The following FIGN variants were observed in gnomAD, a reference collection of about 807,000 sequenced individuals.
FIGN encodes the protein fidgetin, microtubule severing factor, also known as fidgetin.
In FIGN, 11 loss-of-function variants were observed where a neutral mutation model predicts 51.3. That is an observed-to-expected ratio of 0.21 (90% CI 0.13 to 0.35). FIGN has a LOEUF of 0.35. FIGN is among the 10% of genes least tolerant of loss of function. The pLI is 1.00. For missense variants in FIGN, 857 were observed against 943.6 expected, an observed-to-expected ratio of 0.91 and a Z score of 1.20; for synonymous variants, 407 against 363.2, an observed-to-expected ratio of 1.12 and a Z score of -1.37.
intron 2 of FIGN, chr2:163,617,100 A>G (rs1682891145): frequency 2.0e-6 from 2 of 985,090 alleles, no homozygotes; most frequent in African/African-American, 1.7e-5. Context: ...ATTATCTAGT[A>G]TTACTAGTAC....
At chr2:163,733,065 T>G (rs994176806) in intron 2 of FIGN, among the ~76,000 whole-genome samples, 50 of 152,354 alleles carry the variant, frequency 3.3e-4, no homozygotes, top group African/African-American at 1.2e-3. Flanking sequence ...GTAACGCCAC[T>G]TTATACATAT....
At chr2:163,734,497 ATTAG>A (rs970126736) in intron 2 of FIGN, among the ~76,000 whole-genome samples, 1 of 143,954 alleles carries the variant, frequency 6.9e-6, no homozygotes, top group Non-Finnish European at 1.5e-5. Context: ...ATACACTTTC[ATTAG>A]TTAGTAATCT....
intron 2 of FIGN, among the ~76,000 whole-genome samples, chr2:163,647,388 C>A (rs1683398730): frequency 6.6e-6 from 1 of 152,074 alleles, no homozygotes; most frequent in Non-Finnish European, 1.5e-5. Flanking sequence ...CTAATGGCAT[C>A]AAAGCACCAA....
At chr2:163,624,503 G>A (rs1294722892) in intron 2 of FIGN, among the ~76,000 whole-genome samples, 2 of 151,196 alleles carry the variant, frequency 1.3e-5, no homozygotes, top group East Asian at 3.9e-4. Flanking sequence ...CTGTTTTTAA[G>A]CAAACATGAT....
At chr2:163,662,420 C>T (rs1306818363) in intron 2 of FIGN, among the ~76,000 whole-genome samples, 2 of 152,176 alleles carry the variant, frequency 1.3e-5, no homozygotes, top group African/African-American at 4.8e-5. Context: ...TGCAGCCTGG[C>T]GATGCAGCAG....
Position 163,685,405 on chromosome 2 carries a change from G to A in FIGN, c.25+49498C>T, listed in dbSNP as rs1477555903. On this transcript the variant is annotated intron_variant, in intron 2 of 2. Coordinates refer to ENST00000333129, the MANE Select transcript of FIGN (RefSeq NM_018086.4). ...TACTTTAATAATCTCTCAGACAGAA[G>A]TTTTTCAGATCAATCACTTTTTCTG... Among the ~76,000 whole-genome samples the A allele has an allele frequency of 2.6e-5, 4 of 152,126 alleles. No individual in the cohort carries two copies. In the East Asian group the frequency reaches 7.7e-4, roughly 29 times the overall value.
At chr2:163,694,092 T>G (rs952685292) in intron 2 of FIGN, among the ~76,000 whole-genome samples, 27 of 152,192 alleles carry the variant, frequency 1.8e-4, no homozygotes, top group African/African-American at 6.5e-4. Context: ...GTTTTATTTC[T>G]ATCAATATTC....
chr2:163,673,487 A>T (rs956221426), intron 2 of FIGN, among the ~76,000 whole-genome samples: 1 of 152,034 alleles, frequency 6.6e-6, no homozygotes, highest in Non-Finnish European at 1.5e-5. Flanking sequence ...ACTTTCCAAG[A>T]TTACTATGCA....
chr2:163,658,364 GCTCTCTCTCTCTCTCTCTCT>G (rs55894952), intron 2 of FIGN, among the ~76,000 whole-genome samples: 4,059 of 137,686 alleles, frequency 0.029, 210 homozygotes, highest in African/African-American at 0.11. Context: ...TTAAGAAACA[GCTCTCTCTCTCTCTCTCTCT>G]CTCTCTCTCT....
chr2:163,636,852 T>G (rs2105314082), intron 2 of FIGN, among the ~76,000 whole-genome samples: 1 of 151,910 alleles, frequency 6.6e-6, no homozygotes, highest in Middle Eastern at 3.4e-3. Context: ...CACTCTTAAT[T>G]ATAAAGGAAA....
intron 2 of FIGN, among the ~76,000 whole-genome samples, chr2:163,614,574 G>A (rs1414935735): frequency 6.6e-6 from 1 of 151,914 alleles, no homozygotes; most frequent in African/African-American, 2.4e-5. Flanking sequence ...TATGCTGTGA[G>A]TATAAATGTG....
intron 2 of FIGN, among the ~76,000 whole-genome samples, chr2:163,647,596 C>T (rs1683401852): frequency 6.6e-6 from 1 of 152,150 alleles, no homozygotes; most frequent in Admixed American, 6.6e-5. Context: ...AGTGAACAAG[C>T]CAGACTAGAA....
At chr2:163,663,878 A>C (rs1683731403) in intron 2 of FIGN, among the ~76,000 whole-genome samples, 1 of 151,170 alleles carries the variant, frequency 6.6e-6, no homozygotes, top group African/African-American at 2.4e-5. Context: ...ACGAAACTCC[A>C]TCTCCAAAAG....
intron 2 of FIGN, among the ~76,000 whole-genome samples, chr2:163,694,801 T>C (rs1261817877): frequency 6.6e-6 from 1 of 152,196 alleles, no homozygotes; most frequent in African/African-American, 2.4e-5. Context: ...TCCATCATCT[T>C]ACAGTCCTTC....
chr2:163,701,806 C>T (rs1169067027), intron 2 of FIGN, among the ~76,000 whole-genome samples: 1 of 152,136 alleles, frequency 6.6e-6, no homozygotes, highest in Non-Finnish European at 1.5e-5. Context: ...GGTTTCTCTT[C>T]CCTTCATGAC....
At chr2:163,678,129 C>T (rs747202160) in intron 2 of FIGN, among the ~76,000 whole-genome samples, 10 of 152,180 alleles carry the variant, frequency 6.6e-5, no homozygotes, top group African/African-American at 2.4e-4. Context: ...ATATTTTATT[C>T]GAATTTCCTT....
intron 2 of FIGN, among the ~76,000 whole-genome samples, chr2:163,663,764 C>A (rs1393298551): frequency 2.6e-5 from 4 of 151,656 alleles, no homozygotes; most frequent in African/African-American, 9.7e-5. Context: ...TGCCTGTAAT[C>A]CCAGCTACTC....
At chr2:163,720,397 T>C (rs1684738561) in intron 2 of FIGN, among the ~76,000 whole-genome samples, 1 of 152,164 alleles carries the variant, frequency 6.6e-6, no homozygotes, top group Non-Finnish European at 1.5e-5. Flanking sequence ...TGATAGCAAA[T>C]TTTAAATGGT....
intron 2 of FIGN, among the ~76,000 whole-genome samples, chr2:163,719,727 G>A (rs1255696918): frequency 6.6e-6 from 1 of 152,144 alleles, no homozygotes; most frequent in African/African-American, 2.4e-5. Context: ...CCCAACCAGT[G>A]CCAGAATATG....
Sources: gnomAD v4.1 joint callset for allele counts (sites outside exome capture counted in the v4.1 genomes callset) on GRCh38, gnomAD v4.1.1 for gene constraint, MANE v1.5 for transcripts, NCBI Gene and HGNC (gene_info 2026-07-23, HGNC 2026-07-21) for gene names.